CLK4: variants seen among roughly 807,000 people sequenced by gnomAD.
The protein encoded by CLK4 is dual specificity protein kinase CLK4.
In CLK4, 37 loss-of-function variants were observed where a neutral mutation model predicts 64.4. The observed-to-expected ratio is 0.57, with a 90% CI of 0.44 to 0.76. The LOEUF (loss-of-function observed/expected upper bound fraction) is 0.76. Ranked by LOEUF, CLK4 falls within the 30% of genes least tolerant of loss-of-function variation. The probability of loss-of-function intolerance (pLI) is 0.00; values close to 1 mark genes in which losing one functional copy is unlikely to be tolerated. For synonymous variants in CLK4, 175 were observed against 191.6 expected, an observed-to-expected ratio of 0.91 and a Z score of 0.72; for missense variants, 457 against 605.1, an observed-to-expected ratio of 0.76 and a Z score of 2.57.
intron 10 of CLK4, among the ~76,000 whole-genome samples, chr5:178,606,091 C>T (rs878878404): frequency 1.3e-5 from 2 of 152,146 alleles, no homozygotes; most frequent in Admixed American, 6.5e-5. Context: ...TGATACATGA[C>T]AGGAATAAGT....
intron 1 of CLK4, 37 bp from the exon 2 acceptor site, chr5:178,623,453 C>G (rs1385161641): frequency 1.3e-6 from 2 of 1,553,596 alleles, no homozygotes; most frequent in East Asian, 2.3e-5. Context: ...GTGGAGGTTA[C>G]AGATGTGTGA....
rs777312370 is a variant in CLK4 at position 178,612,908 on chromosome 5, C to T, written c.827-18G>A. 21 of 1,276,492 alleles carry T rather than the reference C, an allele frequency of 1.6e-5. No individual in the cohort carries two copies. The Middle Eastern group carries it at 9.4e-4, about 57-fold the overall frequency. 79.1% of individuals were successfully genotyped at this position (1,276,492 alleles called of 1,614,324 possible). A position where few individuals can be genotyped will look rare whatever the true frequency, so the allele number is the denominator to read the frequency against. On this transcript the variant is annotated intron_variant, in intron 7 of 12. Coordinates refer to ENST00000316308, the MANE Select transcript of CLK4 (RefSeq NM_020666.3). ...ATGTAAAACTACAAGAGAACAAAAG[C>T]ACATTATTAGTTTCACTTACAAACT... is the stretch of plus-strand genomic sequence containing the variant.
chr5:178,618,534 T>C (rs745872555), intron 3 of CLK4, 22 bp downstream of exon 3: 24 of 1,576,728 alleles, frequency 1.5e-5, no homozygotes, highest in South Asian at 3.5e-5. Flanking sequence ...TCCACTCAAA[T>C]TGAAAACAAA....
intron 11 of CLK4, chr5:178,604,184 A>T (rs978181206): frequency 7.5e-6 from 2 of 266,914 alleles, no homozygotes; most frequent in African/African-American, 4.4e-5. Context: ...GCTTAAAACT[A>T]GGGGCCCCCT....
At chr5:178,613,160 C>T (rs1015691788) in intron 7 of CLK4, among the ~76,000 whole-genome samples, 3 of 152,124 alleles carry the variant, frequency 2.0e-5, no homozygotes, top group African/African-American at 4.8e-5. Context: ...CAGTGGCTCA[C>T]GCCTATAACC....
chr5:178,626,494 G>C (rs189319396), intron 1 of CLK4, among the ~76,000 whole-genome samples: 7 of 152,356 alleles, frequency 4.6e-5, no homozygotes, highest in Non-Finnish European at 7.3e-5. Context: ...GCGCACTCAA[G>C]ACAGGGGCAA....
intron 5 of CLK4, among the ~76,000 whole-genome samples, chr5:178,616,470 AC>A (rs1238639398): frequency 6.7e-6 from 1 of 149,110 alleles, no homozygotes; most frequent in Non-Finnish European, 1.5e-5. Context: ...TGAGTAATTT[AC>A]CCCCCAAAAC....
intron 1 of CLK4, among the ~76,000 whole-genome samples, chr5:178,625,896 T>A (rs544595216): frequency 3.3e-5 from 5 of 152,244 alleles, no homozygotes; most frequent in Non-Finnish European, 7.3e-5. Flanking sequence ...CGACCCACGT[T>A]CTACGTGGTA....
At chr5:178,607,260 T>C (rs1764480562) in intron 10 of CLK4, among the ~76,000 whole-genome samples, 1 of 152,108 alleles carries the variant, frequency 6.6e-6, no homozygotes, top group African/African-American at 2.4e-5. Flanking sequence ...TGCGAAGTCT[T>C]TTATGAATTG....
In CLK4 at chr5:178,623,333, C is replaced by T. The variant is rs752589392; in HGVS notation, c.84G>A (p.Lys28=). The change falls in exon 2 of 13, where the codon AAG becomes AAA. Residue 28 remains lysine, a synonymous_variant. Coordinates refer to ENST00000316308, the MANE Select transcript of CLK4 (RefSeq NM_020666.3). Reference sequence around the variant, plus strand: ...TGCTACTATGAGATCTCCTCTTCCGCTTGTGACTTCCACGATAGCTTTCAT... The same window carrying T: ...TGCTACTATGAGATCTCCTCTTCCGTTTGTGACTTCCACGATAGCTTTCAT... ...WGHESYRGSH[K]RKRRSHSSTQ... 1 of 1,614,048 alleles carries T rather than the reference C, an allele frequency of 6.2e-7. No individual in the cohort carries two copies. The highest frequency in any genetic ancestry group is 8.5e-7 in the Non-Finnish European group (1 of 1,179,968).
chr5:178,618,968 G>A (rs1401584559), intron 2 of CLK4, among the ~76,000 whole-genome samples, 190 bp from the exon 3 acceptor site: 1 of 152,012 alleles, frequency 6.6e-6, no homozygotes, highest in African/African-American at 2.4e-5. Flanking sequence ...CAAGCAAATG[G>A]GCCCATTATA....
chr5:178,619,125 G>A (rs1764669737), intron 2 of CLK4, among the ~76,000 whole-genome samples: 1 of 152,130 alleles, frequency 6.6e-6, no homozygotes, highest in Non-Finnish European at 1.5e-5. Flanking sequence ...ACAATCAGAG[G>A]CAGGCAAAAA....
At chr5:178,619,807 A>C (rs936368792) in intron 2 of CLK4, 2 of 1,289,380 alleles carry the variant, frequency 1.6e-6, no homozygotes, top group African/African-American at 3.0e-5. Flanking sequence ...ACATAGATTC[A>C]ATTGGCCCAG....
chr5:178,626,167 C>T (rs1305698950), intron 1 of CLK4, among the ~76,000 whole-genome samples: 4 of 152,108 alleles, frequency 2.6e-5, no homozygotes, highest in Non-Finnish European at 5.9e-5. Context: ...GGTTACAAGC[C>T]TGTAGGGGTG....
chr5:178,613,404 G>C, intron 7 of CLK4, 69 bp downstream of exon 7: 1 of 1,096,614 alleles, frequency 9.1e-7, no homozygotes, highest in Non-Finnish European at 1.2e-6. Flanking sequence ...GGGTGACAGA[G>C]CGAGACTCCG....
chr5:178,625,001 G>A (rs957187039), intron 1 of CLK4, among the ~76,000 whole-genome samples: 1 of 152,190 alleles, frequency 6.6e-6, no homozygotes, highest in African/African-American at 2.4e-5. Flanking sequence ...TACAGAGGAA[G>A]AGAAGGCACT....
In CLK4 at chr5:178,618,687, C is replaced by G. The variant is rs200061340; in HGVS notation, c.253G>C (p.Val85Leu). The change falls in exon 3 of 13, where the codon GTT becomes CTT. Residue 85 changes from valine to leucine, a missense_variant. Physicochemically the swap from Val to Leu is conservative, Grantham distance 32. Coordinates refer to ENST00000316308, the MANE Select transcript of CLK4 (RefSeq NM_020666.3). ...ATGTCTCTGTGATAATGTCTAGGAA[C>G]ATATCCTTCACAGTAGTCATTCCTG... Reference protein sequence around the residue: ...EYRNDYCEGYVPRHYHRDIES... With the variant: ...EYRNDYCEGYLPRHYHRDIES... 11 of 1,613,830 alleles carry G rather than the reference C, an allele frequency of 6.8e-6. No individual in the cohort carries two copies. Among genetic ancestry groups the G allele is most frequent in the Non-Finnish European group, 9.3e-6 (11 of 1,179,886 alleles).
At chr5:178,618,315 A>G (rs1764656783) in intron 3 of CLK4, 2 of 184,730 alleles carry the variant, frequency 1.1e-5, no homozygotes, top group Middle Eastern at 2.2e-3. Flanking sequence ...AAATCAATAA[A>G]CTCATTATCT....
At chr5:178,607,050 T>C (rs1004396833) in intron 10 of CLK4, among the ~76,000 whole-genome samples, 1 of 151,992 alleles carries the variant, frequency 6.6e-6, no homozygotes, top group African/African-American at 2.4e-5. Flanking sequence ...CTTTTTGTTT[T>C]ACCAATTAAG....
Sources: allele counts gnomAD v4.1 joint callset (sites outside exome capture counted in the v4.1 genomes callset), GRCh38; gene constraint gnomAD v4.1.1; transcripts MANE v1.5; gene names NCBI Gene and HGNC (gene_info 2026-07-23, HGNC 2026-07-21).